FRMD4A: variants seen among roughly 807,000 people sequenced by gnomAD.
The protein encoded by FRMD4A is FERM domain containing 4A.
In FRMD4A, 29 loss-of-function variants were observed where a neutral mutation model predicts 129.1. The ratio of observed to expected loss-of-function variants is 0.22; its 90% confidence interval spans 0.17 to 0.31. The LOEUF (loss-of-function observed/expected upper bound fraction) is 0.31, where lower values mean the gene tolerates loss of function less well. Among genes scored for constraint, FRMD4A ranks in the 10% least tolerant of loss-of-function variants. The probability of loss-of-function intolerance (pLI) is 1.00; values close to 1 mark genes in which losing one functional copy is unlikely to be tolerated. For synonymous variants in FRMD4A, 634 were observed against 571.6 expected (o/e 1.11, Z -1.56); for missense variants, 1,272 against 1,375.8 (o/e 0.92, Z 1.19).
At chr10:14,034,602 G>A (rs1170154382) in intron 2 of FRMD4A, among the ~76,000 whole-genome samples, 1 of 151,932 alleles carries the variant, frequency 6.6e-6, no homozygotes, top group African/African-American at 2.4e-5. Flanking sequence ...GATCAGATCT[G>A]ATCCTGGGCC....
At chr10:14,208,605 A>C (rs908358169) in intron 2 of FRMD4A, among the ~76,000 whole-genome samples, 2 of 151,762 alleles carry the variant, frequency 1.3e-5, no homozygotes, top group African/African-American at 2.4e-5. Flanking sequence ...TCCCAACCTC[A>C]GCTGTCTGTG....
chr10:14,096,156 G>A (rs1402929813), intron 2 of FRMD4A, among the ~76,000 whole-genome samples: 1 of 152,218 alleles, frequency 6.6e-6, no homozygotes, highest in African/African-American at 2.4e-5. Flanking sequence ...ATTAGATCAT[G>A]AAAGTGGAAT....
intron 2 of FRMD4A, among the ~76,000 whole-genome samples, chr10:13,981,707 C>A (rs1177960853): frequency 6.7e-6 from 1 of 148,208 alleles, no homozygotes; most frequent in African/African-American, 2.5e-5. Context: ...CCATTGCACT[C>A]CAGCCTGGGC....
chr10:13,727,702 C>G (rs995425272), intron 12 of FRMD4A: 2 of 152,210 alleles, frequency 1.3e-5, no homozygotes, highest in African/African-American at 4.8e-5. Context: ...GTCACTGAAA[C>G]GGCCCTAGCT....
chr10:14,104,577 C>T (rs1192334358), intron 2 of FRMD4A, among the ~76,000 whole-genome samples: 1 of 152,184 alleles, frequency 6.6e-6, no homozygotes, highest in Non-Finnish European at 1.5e-5. Flanking sequence ...GCTCAGTGGC[C>T]CTGGCCCCAT....
intron 2 of FRMD4A, among the ~76,000 whole-genome samples, chr10:13,952,092 G>A (rs1221282299): frequency 6.6e-6 from 1 of 150,906 alleles, no homozygotes; most frequent in African/African-American, 2.4e-5. Flanking sequence ...AAATCTCCAA[G>A]ATGAAGGAAG....
intron 2 of FRMD4A, among the ~76,000 whole-genome samples, chr10:14,274,907 G>A (rs1325211825): frequency 1.3e-5 from 2 of 152,096 alleles, no homozygotes; most frequent in Non-Finnish European, 2.9e-5. Flanking sequence ...TTTCGGTTTG[G>A]CATCTGAATT....
At chr10:13,904,992 CAA>C (rs397772526) in intron 2 of FRMD4A, among the ~76,000 whole-genome samples, 1 of 109,434 alleles carries the variant, frequency 9.1e-6, no homozygotes, top group Non-Finnish European at 1.8e-5. Context: ...GACTCTATCT[CAA>C]AAAAAAAAAA....
chr10:13,656,943 G>C lies in FRMD4A; in HGVS notation c.2646C>G (p.Ser882Arg). ...SYTAGGLFKE[S>R]WRGGGGDEGD... is the part of the protein sequence containing the mutation. ...CCTCGTCGCCGCCGCCGCCGCGCCA[G>C]CTCTCCTTGAACAGGCCGCCCGCCG... is the stretch of plus-strand genomic sequence containing the variant. The change falls in exon 22 of 25, where the codon AGC becomes AGG. Residue 882 changes from serine to arginine, a missense_variant. Physicochemically the swap from Ser to Arg is moderately radical, Grantham distance 110. Coordinates refer to ENST00000357447, the MANE Select transcript of FRMD4A (RefSeq NM_018027.5). The C allele has an allele frequency of 6.6e-7, 1 of 1,523,342 alleles. No homozygotes were observed. Among genetic ancestry groups the C allele is most frequent in the South Asian group, 1.2e-5 (1 of 83,774 alleles). 94.4% of individuals were successfully genotyped at this position (1,523,342 alleles called of 1,614,324 possible).
intron 3 of FRMD4A, among the ~76,000 whole-genome samples, chr10:13,856,866 C>T (rs1421466097): frequency 2.0e-5 from 3 of 152,102 alleles, no homozygotes; most frequent in Non-Finnish European, 4.4e-5. Flanking sequence ...TTTCCTATTC[C>T]AGAAGGTGGC....
chr10:13,781,631 G>T (rs1049391998), intron 6 of FRMD4A, among the ~76,000 whole-genome samples: 1 of 152,016 alleles, frequency 6.6e-6, no homozygotes, highest in South Asian at 2.1e-4. Flanking sequence ...GCCTGCCTCG[G>T]CCTCCCAAAG....
chr10:14,159,122 C>T lies in FRMD4A; in HGVS notation c.45+170936G>A, dbSNP rs150968007. On this transcript the variant is annotated intron_variant, in intron 2 of 24. Transcript: ENST00000357447. The stretch of plus-strand genomic sequence containing the variant: ...TTATGATGAGGTCCCAATTATAGTA[C>T]ATTAAAAATGTCTCTGGAACAATCA... Among the ~76,000 whole-genome samples, 84 of 152,172 alleles carry T rather than the reference C, an allele frequency of 5.5e-4. 1 individual carries two copies. Among genetic ancestry groups the T allele is most frequent in the Non-Finnish European group, 1.0e-3 (70 of 68,000 alleles).
chr10:13,675,131 G>T, intron 15 of FRMD4A, 87 bp from the exon 16 acceptor site: 1 of 1,249,512 alleles, frequency 8.0e-7, no homozygotes, highest in Non-Finnish European at 1.2e-6. Context: ...CCCATGCTGC[G>T]GAGATGGGAT....
chr10:14,140,974 A>G (rs1054206741), intron 2 of FRMD4A, among the ~76,000 whole-genome samples: 3 of 152,084 alleles, frequency 2.0e-5, no homozygotes, highest in African/African-American at 7.2e-5. Flanking sequence ...AGGACAGCAG[A>G]GATTCAGCCA....
chr10:14,186,525 C>CT (rs1842151237), intron 2 of FRMD4A, among the ~76,000 whole-genome samples: 3 of 152,168 alleles, frequency 2.0e-5, no homozygotes, highest in South Asian at 2.1e-4. Flanking sequence ...AAAAGCTTTG[C>CT]TTTTCTCACA....
chr10:14,046,880 A>T (rs1020855574), intron 2 of FRMD4A, among the ~76,000 whole-genome samples: 2 of 152,150 alleles, frequency 1.3e-5, no homozygotes, highest in African/African-American at 2.4e-5. Flanking sequence ...AACTCCCACC[A>T]TTGTGAGGCA....
At chr10:13,948,191 T>A (rs2095346362) in intron 2 of FRMD4A, among the ~76,000 whole-genome samples, 1 of 151,960 alleles carries the variant, frequency 6.6e-6, no homozygotes, top group Admixed American at 6.6e-5. Context: ...TTGAAATATA[T>A]ATATATATTT....
intron 2 of FRMD4A, among the ~76,000 whole-genome samples, chr10:14,288,328 G>A (rs1194986016): frequency 6.6e-6 from 1 of 152,168 alleles, no homozygotes; most frequent in South Asian, 2.1e-4. Flanking sequence ...TGGAGCTGGA[G>A]GTGGTGGGGG....
chr10:13,878,694 A>AG (rs1433957866), intron 2 of FRMD4A, among the ~76,000 whole-genome samples: 1 of 152,016 alleles, frequency 6.6e-6, no homozygotes, highest in Non-Finnish European at 1.5e-5. Context: ...CGGAGGTTGC[A>AG]GTGAGCCGAG....
Sources: allele counts gnomAD v4.1 joint callset (sites outside exome capture counted in the v4.1 genomes callset), GRCh38; gene constraint gnomAD v4.1.1; transcripts MANE v1.5; gene names NCBI Gene and HGNC (gene_info 2026-07-23, HGNC 2026-07-21).